The following VCF2 variants were observed in gnomAD, a reference collection of about 807,000 sequenced individuals.
VCF2 encodes the protein VCP nuclear cofactor family member 2.
At chrX:55,156,298 C>T in the VCF2 span, among the ~76,000 whole-genome samples, 2 of 111,698 alleles carry the variant, frequency 1.8e-5, no homozygotes, top group Non-Finnish European at 3.8e-5. Context: ...TCAATTCCAT[C>T]CCTCCATGCC....
At chrX:55,153,296 A>AT in the VCF2 span, among the ~76,000 whole-genome samples, 8 of 109,747 alleles carry the variant, frequency 7.3e-5, no homozygotes, top group South Asian at 2.7e-3. Flanking sequence ...ACTTTAAATA[A>AT]TTTTTTTTAA....
chrX:55,145,996 A>G, the VCF2 span: 1 of 1,118,371 alleles, frequency 8.9e-7, no homozygotes, highest in Non-Finnish European at 1.2e-6. Flanking sequence ...CTTAAAATGT[A>G]GACTTAAAAA....
chrX:55,156,876 G>C, the VCF2 span, among the ~76,000 whole-genome samples: 1 of 112,002 alleles, frequency 8.9e-6, no homozygotes, highest in Non-Finnish European at 1.9e-5. Context: ...AGAAAAACAT[G>C]TGGACATATT....
At chrX:55,150,941 A>C in the VCF2 span, among the ~76,000 whole-genome samples, 1 of 112,122 alleles carries the variant, frequency 8.9e-6, no homozygotes, top group Non-Finnish European at 1.9e-5. Context: ...TGAAACTCAG[A>C]AACTTTTGTT....
At chrX:55,144,402 A>G in the VCF2 span, among the ~76,000 whole-genome samples, 1 of 111,688 alleles carries the variant, frequency 9.0e-6, no homozygotes, top group African/African-American at 3.3e-5. Context: ...TCTGGTATTG[A>G]CTTTGGAAGC....
chrX:55,145,277 CATA>C, the VCF2 span: 4 of 702,606 alleles, frequency 5.7e-6, no homozygotes, highest in African/African-American at 9.5e-5. Flanking sequence ...TATGAGATCA[CATA>C]ATGTGCTAAC....
At chrX:55,160,649 G>T in the VCF2 span, 8 of 468,924 alleles carry the variant, frequency 1.7e-5, no homozygotes, top group East Asian at 2.2e-4. Flanking sequence ...TGTAATGAAA[G>T]AATACATTGA....
the VCF2 span, chrX:55,160,959 C>G: frequency 4.7e-5 from 55 of 1,163,104 alleles, 1 homozygote; most frequent in East Asian, 2.3e-4. Context: ...GCCGCGCCAC[C>G]GGCCAACACT....
At chrX:55,153,921 T>A in the VCF2 span, among the ~76,000 whole-genome samples, 444 of 111,711 alleles carry the variant, frequency 4.0e-3, 6 homozygotes, top group Admixed American at 0.04. Context: ...TCTAGGCTAA[T>A]AATGCTGTTT....
the VCF2 span, chrX:55,159,017 AC>A: frequency 1.9e-6 from 1 of 535,065 alleles, no homozygotes; most frequent in Non-Finnish European, 2.8e-6. Context: ...AAGCAAGAAA[AC>A]TTTTATGAAG....
the VCF2 span, among the ~76,000 whole-genome samples, chrX:55,154,977 C>T: frequency 8.9e-5 from 10 of 112,491 alleles, no homozygotes; most frequent in African/African-American, 2.9e-4. Flanking sequence ...AAGAATGTAG[C>T]AATGAATGCT....
At chrX:55,149,486 T>C in the VCF2 span, among the ~76,000 whole-genome samples, 1 of 111,357 alleles carries the variant, frequency 9.0e-6, no homozygotes, top group Non-Finnish European at 1.9e-5. Context: ...ATACACTGTG[T>C]TCATAAGGCA....
chrX:55,147,634 GTTTTTTTTTTTT>G, the VCF2 span, among the ~76,000 whole-genome samples: 1 of 54,091 alleles, frequency 1.8e-5, no homozygotes, highest in Middle Eastern at 0.013. Flanking sequence ...GGCTTTCCTT[GTTTTTTTTTTTT>G]TTTTTTTTTT....
chrX:55,146,659 T>C, the VCF2 span, among the ~76,000 whole-genome samples: 1 of 112,462 alleles, frequency 8.9e-6, no homozygotes, highest in Admixed American at 9.4e-5. Flanking sequence ...GAGAAGTAAG[T>C]ACTCATCCTC....
the VCF2 span, among the ~76,000 whole-genome samples, chrX:55,144,157 C>T: frequency 9.0e-6 from 1 of 111,614 alleles, no homozygotes; most frequent in African/African-American, 3.3e-5. Flanking sequence ...TGTTCAACTA[C>T]ACTGTGTTTT....
At chrX:55,160,668 C>G in the VCF2 span, 3 of 493,902 alleles carry the variant, frequency 6.1e-6, no homozygotes, top group African/African-American at 2.4e-5. Context: ...GATAAAGGTC[C>G]ATAGAACCCC....
At chrX:55,150,905 T>A in the VCF2 span, among the ~76,000 whole-genome samples, 1 of 111,698 alleles carries the variant, frequency 9.0e-6, no homozygotes, top group Non-Finnish European at 1.9e-5. Flanking sequence ...ACTGAAATAA[T>A]CTTTTTGTGA....
At chrX:55,146,285 G>C in the VCF2 span, 1 of 1,210,757 alleles carries the variant, frequency 8.3e-7, no homozygotes, top group Non-Finnish European at 1.1e-6. Context: ...TGCGGCTGCT[G>C]CTCCTTTCAT....
the VCF2 span, among the ~76,000 whole-genome samples, chrX:55,156,102 C>T: frequency 9.1e-6 from 1 of 109,890 alleles, no homozygotes; most frequent in Non-Finnish European, 1.9e-5. Flanking sequence ...CAGGTGCGCG[C>T]CACCAAGCCT....
Sources: allele counts gnomAD v4.1 joint callset (sites outside exome capture counted in the v4.1 genomes callset), GRCh38; gene constraint gnomAD v4.1.1; transcripts MANE v1.5; gene names NCBI Gene and HGNC (gene_info 2026-07-23, HGNC 2026-07-21).